The following ENTREP2 variants were observed in gnomAD, a reference collection of about 807,000 sequenced individuals.
ENTREP2 encodes protein ENTREP2.
chr15:29,373,626 C>T, the ENTREP2 span: 1 of 151,554 alleles, frequency 6.6e-6, no homozygotes, highest in Admixed American at 6.6e-5. Flanking sequence ...ATTTTGCTTT[C>T]TTTTATTTTT....
At chr15:29,446,048 C>A in the ENTREP2 span, among the ~76,000 whole-genome samples, 1 of 152,188 alleles carries the variant, frequency 6.6e-6, no homozygotes. Context: ...ATATCTCGAA[C>A]AGTGCCCTTA....
At chr15:29,493,535 T>A in the ENTREP2 span, among the ~76,000 whole-genome samples, 6 of 152,182 alleles carry the variant, frequency 3.9e-5, no homozygotes, top group African/African-American at 1.4e-4. Flanking sequence ...AAGGATCACT[T>A]GAGCCCAGTA....
At chr15:29,476,366 A>C in the ENTREP2 span, among the ~76,000 whole-genome samples, 1 of 152,222 alleles carries the variant, frequency 6.6e-6, no homozygotes, top group African/African-American at 2.4e-5. Context: ...CTCACTGGGA[A>C]GCCATTAGCT....
At chr15:29,289,927 G>A in the ENTREP2 span, among the ~76,000 whole-genome samples, 1 of 152,062 alleles carries the variant, frequency 6.6e-6, no homozygotes, top group Admixed American at 6.6e-5. Flanking sequence ...TAATCTAAAT[G>A]TCCATCAACA....
chr15:29,299,756 G>A, the ENTREP2 span, among the ~76,000 whole-genome samples: 1 of 152,138 alleles, frequency 6.6e-6, no homozygotes, highest in Non-Finnish European at 1.5e-5. Context: ...TAAGCTTCAT[G>A]AGGCAGGTAT....
chr15:29,514,687 G>A, the ENTREP2 span, among the ~76,000 whole-genome samples: 1 of 152,152 alleles, frequency 6.6e-6, no homozygotes. Flanking sequence ...TTCATCAGTA[G>A]CTATGCAACC....
At chr15:29,369,615 A>ACC in the ENTREP2 span, among the ~76,000 whole-genome samples, 1 of 147,900 alleles carries the variant, frequency 6.8e-6, no homozygotes, top group African/African-American at 2.6e-5. Context: ...ACACACACAC[A>ACC]CCCAGGTGCA....
At chr15:29,458,631 G>T in the ENTREP2 span, among the ~76,000 whole-genome samples, 3 of 152,200 alleles carry the variant, frequency 2.0e-5, no homozygotes, top group Non-Finnish European at 4.4e-5. Context: ...TCATGGTCAC[G>T]CCTCCTCTGG....
At chr15:29,157,192 G>T in the ENTREP2 span, among the ~76,000 whole-genome samples, 1 of 152,188 alleles carries the variant, frequency 6.6e-6, no homozygotes, top group Non-Finnish European at 1.5e-5. Context: ...GTTGGCAAAT[G>T]GTTGGAAATT....
the ENTREP2 span, among the ~76,000 whole-genome samples, chr15:29,617,961 A>T: frequency 1.3e-5 from 2 of 151,620 alleles, no homozygotes; most frequent in Non-Finnish European, 2.9e-5. Context: ...CCTGCTCTGG[A>T]CTCTCTAACT....
the ENTREP2 span, among the ~76,000 whole-genome samples, chr15:29,249,183 C>CTA: frequency 2.0e-5 from 3 of 152,180 alleles, no homozygotes; most frequent in Non-Finnish European, 4.4e-5. Flanking sequence ...TGGCCCATGC[C>CTA]TATAGTCCCA....
the ENTREP2 span, among the ~76,000 whole-genome samples, chr15:29,158,774 T>G: frequency 1.3e-5 from 2 of 152,318 alleles, no homozygotes; most frequent in East Asian, 3.9e-4. Context: ...TACTGGATAT[T>G]CTGATGTTAT....
At chr15:29,608,847 T>G in the ENTREP2 span, among the ~76,000 whole-genome samples, 1 of 151,920 alleles carries the variant, frequency 6.6e-6, no homozygotes, top group Non-Finnish European at 1.5e-5. Flanking sequence ...GATTACAGGC[T>G]TGAGCCACCG....
At chr15:29,499,305 CTACTA>C in the ENTREP2 span, among the ~76,000 whole-genome samples, 53,068 of 151,652 alleles carry the variant, frequency 0.35, 9,795 homozygotes, top group African/African-American at 0.48. Context: ...TTTTCTGTAT[CTACTA>C]TATGTTTTTG....
At chr15:29,128,911 G>A in the ENTREP2 span, 12 of 1,331,772 alleles carry the variant, frequency 9.0e-6, no homozygotes, top group South Asian at 2.6e-5. Context: ...CCGTGGGAAC[G>A]CAGCACAGCA....
chr15:29,220,111 C>A, the ENTREP2 span, among the ~76,000 whole-genome samples: 1 of 152,186 alleles, frequency 6.6e-6, no homozygotes, highest in Non-Finnish European at 1.5e-5. Context: ...ATGGCAGCAG[C>A]CCTGGCCACC....
the ENTREP2 span, among the ~76,000 whole-genome samples, chr15:29,323,282 T>C: frequency 6.6e-6 from 1 of 152,280 alleles, no homozygotes; most frequent in Admixed American, 6.5e-5. Context: ...GCCTGAAGGC[T>C]AAGTTGATCA....
At chr15:29,300,995 A>T in the ENTREP2 span, among the ~76,000 whole-genome samples, 1 of 152,360 alleles carries the variant, frequency 6.6e-6, no homozygotes, top group Admixed American at 6.5e-5. Context: ...TTTCTGAAAG[A>T]AGTAAAAAAC....
the ENTREP2 span, among the ~76,000 whole-genome samples, chr15:29,120,007 CAT>C: frequency 6.6e-6 from 1 of 152,270 alleles, no homozygotes; most frequent in African/African-American, 2.4e-5. Context: ...CCTTGGAGGC[CAT>C]GTCCATGGAG....
Sources: allele counts gnomAD v4.1 joint callset (sites outside exome capture counted in the v4.1 genomes callset), GRCh38; gene constraint gnomAD v4.1.1; transcripts MANE v1.5; gene names NCBI Gene and HGNC (gene_info 2026-07-23, HGNC 2026-07-21).